CAST: variants seen among roughly 807,000 people sequenced by gnomAD.
The protein encoded by CAST is MIR583 host.
In CAST, 76 loss-of-function variants were observed where a neutral mutation model predicts 119.6. The observed-to-expected ratio is 0.64, with a 90% CI of 0.53 to 0.77. The LOEUF (loss-of-function observed/expected upper bound fraction) is 0.77. CAST is among the 30% of genes least tolerant of loss of function. The pLI, the probability that CAST is intolerant of heterozygous loss-of-function variation, is 0.00. For synonymous variants in CAST, 319 were observed against 331.6 expected (o/e 0.96, Z 0.41); for missense variants, 953 against 946.5 (o/e 1.01, Z -0.09).
At chr5:96,135,461 T>C in the CAST span, among the ~76,000 whole-genome samples, 1 of 152,160 alleles carries the variant, frequency 6.6e-6, no homozygotes, top group Non-Finnish European at 1.5e-5. Flanking sequence ...AGTAATTGGA[T>C]GTATGGTGGT....
At chr5:96,226,590 G>A in the CAST span, among the ~76,000 whole-genome samples, 2 of 152,188 alleles carry the variant, frequency 1.3e-5, no homozygotes, top group South Asian at 2.1e-4. Context: ...CTGGGAGGCA[G>A]AGGTTGCAGT....
At chr5:96,170,850 C>T in the CAST span, among the ~76,000 whole-genome samples, 31 of 152,104 alleles carry the variant, frequency 2.0e-4, no homozygotes, top group Non-Finnish European at 2.1e-4. Flanking sequence ...GGGCTAGTTG[C>T]GGAACGAAAC....
intron 3 of CAST, among the ~76,000 whole-genome samples, chr5:96,710,738 T>G (rs1300692965): frequency 6.6e-6 from 1 of 152,178 alleles, no homozygotes; most frequent in East Asian, 1.9e-4. Context: ...GAATTAGAGA[T>G]CCTGTTTTCC....
At chr5:96,419,796 C>CAT in the CAST span, among the ~76,000 whole-genome samples, 1 of 151,890 alleles carries the variant, frequency 6.6e-6, no homozygotes, top group Non-Finnish European at 1.5e-5. Context: ...TTATTATATT[C>CAT]ATATATATAA....
chr5:96,485,164 G>A, the CAST span, among the ~76,000 whole-genome samples: 5 of 152,268 alleles, frequency 3.3e-5, no homozygotes, highest in Middle Eastern at 3.4e-3. Flanking sequence ...CAGAGGATAG[G>A]CCATGGCCCC....
intron 1 of CAST, among the ~76,000 whole-genome samples, chr5:96,639,663 G>C (rs17086458): frequency 0.058 from 8,878 of 152,226 alleles, 344 homozygotes; most frequent in East Asian, 0.15. Flanking sequence ...GCCATGCAGG[G>C]ACCATATCAA....
chr5:96,248,386 AG>A, the CAST span, among the ~76,000 whole-genome samples: 2 of 152,222 alleles, frequency 1.3e-5, no homozygotes, highest in Non-Finnish European at 2.9e-5. Context: ...GGAATGCGCT[AG>A]GCTTTTGTGC....
chr5:96,102,082 C>T, the CAST span, among the ~76,000 whole-genome samples: 1 of 152,116 alleles, frequency 6.6e-6, no homozygotes. Flanking sequence ...TCACTGGATC[C>T]CTTCCCTTGT....
the CAST span, among the ~76,000 whole-genome samples, chr5:95,966,994 T>G: frequency 6.6e-6 from 1 of 152,180 alleles, no homozygotes; most frequent in Non-Finnish European, 1.5e-5. Flanking sequence ...TTATGGCTAT[T>G]CAGTGTAGTG....
At chr5:96,658,178 C>T, upstream of CAST, among the ~76,000 whole-genome samples, 1 of 152,110 alleles carries the variant, frequency 6.6e-6, no homozygotes, top group East Asian at 1.9e-4. Context: ...TTGCACCTAT[C>T]CCAGGACAGG....
At chr5:96,234,308 G>C in the CAST span, among the ~76,000 whole-genome samples, 1 of 152,210 alleles carries the variant, frequency 6.6e-6, no homozygotes, top group Admixed American at 6.5e-5. Flanking sequence ...TTCATGGAAG[G>C]CCGTAGTAGG....
the CAST span, among the ~76,000 whole-genome samples, chr5:96,455,648 C>CT: frequency 1.3e-5 from 2 of 152,284 alleles, no homozygotes; most frequent in East Asian, 3.9e-4. Context: ...GAGCTCTGTC[C>CT]ACGCAGGACC....
At chr5:96,747,669 G>C (rs1764063113) in intron 18 of CAST, among the ~76,000 whole-genome samples, 1 of 152,128 alleles carries the variant, frequency 6.6e-6, no homozygotes, top group South Asian at 2.1e-4. Context: ...CCTTAAGTCA[G>C]ATTAAGCTAG....
the CAST span, among the ~76,000 whole-genome samples, chr5:96,291,843 C>CGTGTGTGTGTGTGTGTGTGTGTGTGT: frequency 7.5e-6 from 1 of 132,968 alleles, no homozygotes; most frequent in African/African-American, 2.8e-5. Context: ...TCCCAGTCTG[C>CGTGTGTGTGTGTGTGTGTGTGTGTGT]GTGTGTGTGT....
chr5:96,401,508 G>A, the CAST span, among the ~76,000 whole-genome samples: 1 of 152,180 alleles, frequency 6.6e-6, no homozygotes, highest in Non-Finnish European at 1.5e-5. Flanking sequence ...TAAGGAAATA[G>A]TAAAATCATA....
chr5:96,750,731 C>G, intron 20 of CAST, 49 bp downstream of exon 20: 1 of 1,037,860 alleles, frequency 9.6e-7, no homozygotes, highest in South Asian at 1.3e-5. Context: ...AAGTTTTCTG[C>G]CTCCTCCTGT....
chr5:96,372,153 T>G, the CAST span, among the ~76,000 whole-genome samples: 1 of 152,170 alleles, frequency 6.6e-6, no homozygotes. Context: ...AGGTAGTAAA[T>G]AGAATGGCTA....
the CAST span, among the ~76,000 whole-genome samples, chr5:96,163,366 A>G: frequency 6.6e-6 from 1 of 152,092 alleles, no homozygotes; most frequent in Non-Finnish European, 1.5e-5. Flanking sequence ...GATTTTGTCG[A>G]TCTTCTCTAT....
intron 1 of CAST, among the ~76,000 whole-genome samples, chr5:96,638,709 C>T (rs1747913578): frequency 6.6e-6 from 1 of 152,208 alleles, no homozygotes; most frequent in African/African-American, 2.4e-5. Flanking sequence ...TCTCAGCCAA[C>T]ATATTCATGG....
Sources: allele counts gnomAD v4.1 joint callset (sites outside exome capture counted in the v4.1 genomes callset), GRCh38; gene constraint gnomAD v4.1.1; transcripts MANE v1.5; gene names NCBI Gene and HGNC (gene_info 2026-07-23, HGNC 2026-07-21).